Variants in GOLIM4 observed in about 807,000 individuals in gnomAD.
GOLIM4 encodes 130 kDa golgi-localized phosphoprotein.
Under a neutral mutation model 107.4 loss-of-function variants are expected in GOLIM4, and 71 were observed. The observed-to-expected ratio is 0.66, with a 90% CI of 0.55 to 0.81. The LOEUF (loss-of-function observed/expected upper bound fraction) is 0.81, where lower values mean the gene tolerates loss of function less well. Ranked by LOEUF, GOLIM4 falls within the 30% of genes least tolerant of loss-of-function variation. The probability of loss-of-function intolerance (pLI) is 0.00; values close to 1 mark genes in which losing one functional copy is unlikely to be tolerated. For missense variants in GOLIM4, 830 were observed against 826.1 expected, an observed-to-expected ratio of 1.00 and a Z score of -0.06; for synonymous variants, 327 against 294.8, an observed-to-expected ratio of 1.11 and a Z score of -1.12.
In GOLIM4 at chr3:168,029,850, C is replaced by T. The variant is rs1429610415; in HGVS notation, c.1363G>A (p.Ala455Thr). The T allele has an allele frequency of 6.2e-7, 1 of 1,614,078 alleles. No homozygotes were observed. ...RQQEQQQQQV[A>T]REMALQRQAE... ...TGCCTCTGCAGGGCCATCTCTCTTG[C>T]CACCTGCTGCTGCTGCTGTTCCTGC... The change falls in exon 10 of 16, where the codon GCA becomes ACA. Residue 455 changes from alanine (A) to threonine (T), a missense_variant. Physicochemically the swap from Ala to Thr is moderately conservative, Grantham distance 58 (BLOSUM62 0). Coordinates refer to ENST00000470487, the MANE Select transcript of GOLIM4 (RefSeq NM_014498.5).
intron 1 of GOLIM4, among the ~76,000 whole-genome samples, chr3:168,054,279 CG>C (rs1354217562): frequency 6.6e-6 from 1 of 152,206 alleles, no homozygotes; most frequent in East Asian, 1.9e-4. Flanking sequence ...CTCACCACAT[CG>C]GGAGTGAAAC....
chr3:168,092,155 A>G (rs1721948073), intron 1 of GOLIM4, among the ~76,000 whole-genome samples: 1 of 152,224 alleles, frequency 6.6e-6, no homozygotes, highest in Admixed American at 6.5e-5. Flanking sequence ...CTCACTTGAA[A>G]GCAGTTTAAA....
intron 10 of GOLIM4, 126 bp downstream of exon 10, chr3:168,029,654 C>T (rs924289817): frequency 9.9e-7 from 1 of 1,011,274 alleles, no homozygotes; most frequent in Admixed American, 2.4e-5. Context: ...AGCTGTCCTG[C>T]CTTGGCTATT....
intron 1 of GOLIM4, among the ~76,000 whole-genome samples, chr3:168,049,009 G>A (rs1227605473): frequency 6.6e-6 from 1 of 152,164 alleles, no homozygotes; most frequent in Admixed American, 6.5e-5. Flanking sequence ...AAAAGAACTA[G>A]TCAGGTTCAC....
At chr3:168,050,828 A>AATG (rs1469777667) in intron 1 of GOLIM4, among the ~76,000 whole-genome samples, 3 of 76,314 alleles carry the variant, frequency 3.9e-5, no homozygotes, top group Non-Finnish European at 9.4e-5. Context: ...CACCTATAAT[A>AATG]ATAATAATAA....
intron 1 of GOLIM4, among the ~76,000 whole-genome samples, chr3:168,083,950 T>C (rs988548473): frequency 2.0e-5 from 3 of 152,204 alleles, no homozygotes; most frequent in African/African-American, 7.2e-5. Flanking sequence ...GATTAGGTTA[T>C]TAAAACACCT....
At position 168,046,248 on chromosome 3, in the gene GOLIM4, G is replaced by T. The variant is rs151159308; in HGVS notation, c.312+702C>A. Among the ~76,000 whole-genome samples the T allele has an allele frequency of 1.3e-3, 198 of 152,208 alleles. 1 individual carries two copies. In the East Asian group the frequency reaches 0.014, roughly 11 times the overall value. ...ATATACTTTTCTTAGAGTAAGAAAA[G>T]AGTAGCTTTTATCCAGTTAATTTGG... On this transcript the variant is annotated intron_variant, in intron 3 of 15. Coordinates refer to ENST00000470487, the MANE Select transcript of GOLIM4 (RefSeq NM_014498.5).
intron 11 of GOLIM4, among the ~76,000 whole-genome samples, chr3:168,028,247 G>A (rs1046840587): frequency 5.3e-5 from 8 of 152,154 alleles, no homozygotes; most frequent in Non-Finnish European, 1.0e-4. Context: ...GAAATGCAAG[G>A]AAGAACTGCC....
intron 1 of GOLIM4, among the ~76,000 whole-genome samples, chr3:168,069,432 GT>G (rs1309037534): frequency 6.6e-6 from 1 of 152,094 alleles, no homozygotes; most frequent in African/African-American, 2.4e-5. Flanking sequence ...AATTAATACA[GT>G]TTGAAATGCT....
At chr3:168,017,825 CCTCT>C (rs143132637) in intron 14 of GOLIM4, among the ~76,000 whole-genome samples, 2 of 152,014 alleles carry the variant, frequency 1.3e-5, no homozygotes, top group African/African-American at 2.4e-5. Context: ...CTCAAAAATT[CCTCT>C]CTCTCTTTAG....
chr3:168,061,649 G>C (rs1720278228), intron 1 of GOLIM4, among the ~76,000 whole-genome samples: 1 of 152,140 alleles, frequency 6.6e-6, no homozygotes, highest in Non-Finnish European at 1.5e-5. Flanking sequence ...ATTCATAGAT[G>C]AATTTCACAA....
intron 14 of GOLIM4, among the ~76,000 whole-genome samples, chr3:168,011,718 T>A (rs1717045785): frequency 7.2e-6 from 1 of 137,952 alleles, no homozygotes; most frequent in African/African-American, 3.5e-5. Flanking sequence ...GACTGCCTCC[T>A]CAAGTGGGTC....
At chr3:168,019,501 T>C (rs1264623599) in intron 14 of GOLIM4, among the ~76,000 whole-genome samples, 1 of 152,200 alleles carries the variant, frequency 6.6e-6, no homozygotes, top group African/African-American at 2.4e-5. Flanking sequence ...CTAATGCCTG[T>C]TTACAGTTGG....
At chr3:168,083,697 A>G (rs890517520) in intron 1 of GOLIM4, among the ~76,000 whole-genome samples, 2 of 152,202 alleles carry the variant, frequency 1.3e-5, no homozygotes, top group African/African-American at 2.4e-5. Context: ...CAAGTGCTCA[A>G]TGAATGTTAG....
intron 14 of GOLIM4, among the ~76,000 whole-genome samples, chr3:168,020,847 T>C (rs79888515): frequency 0.014 from 2,092 of 152,322 alleles, 36 homozygotes; most frequent in African/African-American, 0.047. Flanking sequence ...TTCTCAGTAA[T>C]GTAAAGGAAC....
intron 1 of GOLIM4, among the ~76,000 whole-genome samples, chr3:168,075,286 G>GTTTTTTT (rs374374393): frequency 3.2e-5 from 3 of 94,224 alleles, no homozygotes; most frequent in African/African-American, 4.3e-5. Context: ...ACATTCACTA[G>GTTTTTTT]TTTTTTTTTT....
chr3:168,017,686 G>A (rs755428109), intron 14 of GOLIM4, among the ~76,000 whole-genome samples: 40 of 152,156 alleles, frequency 2.6e-4, no homozygotes, highest in Non-Finnish European at 4.1e-4. Context: ...AGACACCGCT[G>A]CCTACATACA....
chr3:168,027,690 A>C, intron 12 of GOLIM4, 38 bp downstream of exon 12: 1 of 1,186,170 alleles, frequency 8.4e-7, no homozygotes, highest in South Asian at 1.2e-5. Flanking sequence ...CCACCTTATG[A>C]GTTTACATGT....
At chr3:168,022,723 C>CTTCT (rs1264414915) in intron 14 of GOLIM4, among the ~76,000 whole-genome samples, 3 of 152,204 alleles carry the variant, frequency 2.0e-5, no homozygotes, top group African/African-American at 7.2e-5. Context: ...GGGACTTCCA[C>CTTCT]TAAGAGCACA....
Sources: gnomAD v4.1 joint callset for allele counts (sites outside exome capture counted in the v4.1 genomes callset) on GRCh38, gnomAD v4.1.1 for gene constraint, MANE v1.5 for transcripts, NCBI Gene and HGNC (gene_info 2026-07-23, HGNC 2026-07-21) for gene names.